Variants in SCAF11 observed in about 807,000 individuals in gnomAD.
SCAF11 encodes SR-related CTD associated factor 11.
Under a neutral mutation model 140.5 loss-of-function variants are expected in SCAF11, and 47 were observed. That is an observed-to-expected ratio of 0.33 (90% confidence interval 0.26 to 0.43). SCAF11 has a LOEUF of 0.43. Among genes scored for constraint, SCAF11 ranks in the 20% least tolerant of loss-of-function variants. The pLI, the probability that SCAF11 is intolerant of heterozygous loss-of-function variation, is 1.00. For missense variants in SCAF11, 1,645 were observed against 1,705.1 expected (o/e 0.96, Z 0.62); for synonymous variants, 557 against 579.4 (o/e 0.96, Z 0.55).
intron 3 of SCAF11, among the ~76,000 whole-genome samples, chr12:45,952,303 T>C (rs74807919): frequency 6.6e-6 from 1 of 152,224 alleles, no homozygotes; most frequent in East Asian, 1.9e-4. Flanking sequence ...TGTATCTTTT[T>C]AATATATAAA....
chr12:45,933,476 T>C (rs1359911550), intron 8 of SCAF11, among the ~76,000 whole-genome samples: 3 of 152,136 alleles, frequency 2.0e-5, no homozygotes, highest in African/African-American at 7.2e-5. Flanking sequence ...TGAATTTCTA[T>C]CTTAAGTGAC....
intron 3 of SCAF11, among the ~76,000 whole-genome samples, chr12:45,953,584 G>C (rs1945603500): frequency 6.6e-6 from 1 of 151,964 alleles, no homozygotes; most frequent in South Asian, 2.1e-4. Context: ...AATATTTCTA[G>C]TGCTTCCTAT....
In SCAF11 at chr12:45,927,201, A is replaced by G. The variant is rs773292405; in HGVS notation, c.2500T>C (p.Ser834Pro). Residue 834 changes from serine to proline, a missense_variant, in exon 11 of 15, where the codon TCT becomes CCT. Physicochemically the swap from Ser to Pro is moderately conservative, Grantham distance 74 (BLOSUM62 -1). Transcript: ENST00000369367. ...GKESRKSQSP[S>P]PKNESARGRK... ...CCTCTGGCTGACTCATTCTTAGGAG[A>G]TGGTGATTGAGACTTCCTGCTTTCT... 8 of 1,613,764 alleles carry G rather than the reference A, an allele frequency of 5.0e-6. No homozygotes were observed. Among genetic ancestry groups the G allele is most frequent in the African/African-American group, 1.3e-5 (1 of 74,818 alleles).
At chr12:45,983,742 AACAC>A (rs55655357) in intron 1 of SCAF11, among the ~76,000 whole-genome samples, 1,424 of 133,978 alleles carry the variant, frequency 0.011, 14 homozygotes, top group African/African-American at 0.033. Flanking sequence ...CTAAACCTAA[AACAC>A]ACACACACAC....
intron 10 of SCAF11, 139 bp from the exon 11 acceptor site, chr12:45,928,998 T>C (rs1944973624): frequency 4.4e-6 from 2 of 459,420 alleles, no homozygotes; most frequent in Non-Finnish European, 3.7e-6. Flanking sequence ...AATAAATGCA[T>C]AGCTACTAAC....
At chr12:45,953,790 AGTAACCTTATTTGT>A in intron 3 of SCAF11, 1 of 533,822 alleles carries the variant, frequency 1.9e-6, no homozygotes, top group African/African-American at 2.0e-5. Context: ...TCTGTGCCTC[AGTAACCTTATTTGT>A]GAAAATGAGA....
rs1034534117 is a variant in SCAF11 at position 45,921,985 on chromosome 12, T to C, written c.*63A>G. 1.3e-6 allele frequency: 2 copies of C among 1,521,514 alleles called. No individual in the cohort carries two copies. Among genetic ancestry groups the C allele is most frequent in the Non-Finnish European group, 1.8e-6 (2 of 1,129,588 alleles). 94.3% of individuals were successfully genotyped at this position (1,521,514 alleles called of 1,614,324 possible). ...ACAGTTATGTATGATTTTCAGTTAA[T>C]GGTACATGTTGAAATTGCACTTTGC... On this transcript the variant is annotated 3_prime_UTR_variant, in exon 15 of 15. Transcript: ENST00000369367.
chr12:45,972,939 GAT>G lies in SCAF11; in HGVS notation c.-21-8753_-21-8752del, dbSNP rs1170160802. On this transcript the variant is annotated intron_variant, in intron 1 of 14. Coordinates refer to ENST00000369367, the MANE Select transcript of SCAF11 (RefSeq NM_004719.3). ...ATATATAGATATATAGATATATATA[GAT>G]ATATATATAGATATATAGATATATA... is the stretch of plus-strand genomic sequence containing the variant. Among the ~76,000 whole-genome samples the G allele has an allele frequency of 3.1e-3, 28 of 9,054 alleles. 3 individuals are homozygous for G. Among genetic ancestry groups the G allele is most frequent in the South Asian group, 0.016 (5 of 318 alleles). The allele number at this position is 9,054 out of a possible 152,430, so 5.9% of individuals were successfully genotyped here.
chr12:45,922,417 G>A (rs1944737312), intron 14 of SCAF11, 46 bp downstream of exon 14: 5 of 1,577,576 alleles, frequency 3.2e-6, no homozygotes, highest in African/African-American at 1.4e-5. Context: ...TAAAACAGAG[G>A]TGGTTCAAAA....
chr12:45,933,281 CA>C (rs1191907950), intron 8 of SCAF11, 49 bp from the exon 9 acceptor site: 9 of 1,318,958 alleles, frequency 6.8e-6, no homozygotes, highest in South Asian at 3.8e-5. Context: ...ATTTTAGGTT[CA>C]AAAAAACAAT....
chr12:45,991,675 GTTTTACCTCGGAGGTATTTTGACT>G (rs1238489924), upstream of SCAF11, among the ~76,000 whole-genome samples: 2 of 152,176 alleles, frequency 1.3e-5, no homozygotes, highest in South Asian at 2.1e-4. Context: ...TAAATGTTTT[GTTTTACCTCGGAGGTATTTTGACT>G]TTTTCAAAGT....
Position 45,933,190 on chromosome 12 carries a change from C to T in SCAF11, c.675G>A (p.Arg225=), listed in dbSNP as rs1161884466. The T allele has an allele frequency of 4.3e-6, 7 of 1,611,710 alleles. No homozygotes were observed. The highest frequency in any genetic ancestry group is 5.9e-6 in the Non-Finnish European group (7 of 1,178,976). Residue 225 remains arginine, a synonymous_variant, in exon 9 of 15, where the codon AGG becomes AGA. Transcript: ENST00000369367. ...ACAATTCCAGTTCATGTCTCTTCTG[C>T]CTAATCAATGCACTGATTTCACTGG... ...IEASEISALI[R]QKRHELELSW...
chr12:45,946,880 G>C (rs113999748), intron 5 of SCAF11, among the ~76,000 whole-genome samples: 2 of 152,022 alleles, frequency 1.3e-5, no homozygotes, highest in Non-Finnish European at 2.9e-5. Context: ...TCTTGGAGGG[G>C]GTATTCCATG....
At chr12:45,982,400 T>C (rs1946367837) in intron 1 of SCAF11, among the ~76,000 whole-genome samples, 1 of 152,140 alleles carries the variant, frequency 6.6e-6, no homozygotes, top group African/African-American at 2.4e-5. Context: ...TATACGTATA[T>C]TTACATTAAA....
In SCAF11 at chr12:45,945,294, C is replaced by G; in HGVS notation, c.418G>C (p.Glu140Gln). 6.3e-7 allele frequency: 1 copy of G among 1,576,128 alleles called. No individual in the cohort carries two copies. The highest frequency in any genetic ancestry group is 1.2e-5 in the South Asian group (1 of 85,956). The change falls in exon 6 of 15, where the codon GAA becomes CAA. Residue 140 changes from glutamate to glutamine, a missense_variant. Transcript: ENST00000369367. ...SCIRRKAIVR[E>Q]DLLSAKVCDL... ...CAAACTTTTGCACTTAATAGATCTT[C>G]TCTTACGATGGCTTTTCTTCTGTAA...
chr12:45,973,041 T>C (rs947482268), intron 1 of SCAF11, among the ~76,000 whole-genome samples: 3 of 147,294 alleles, frequency 2.0e-5, no homozygotes, highest in Non-Finnish European at 3.0e-5. Flanking sequence ...TATAGATATA[T>C]AGATATATCC....
At chr12:45,945,091 C>A in intron 6 of SCAF11, 158 bp downstream of exon 6, 2 of 595,898 alleles carry the variant, frequency 3.4e-6, no homozygotes, top group East Asian at 3.1e-5. Flanking sequence ...GTATAAATTG[C>A]TCCATGAAAA....
In SCAF11 at chr12:45,927,152, G is replaced by A; in HGVS notation, c.2549C>T (p.Ser850Phe). The part of the protein sequence containing the change: ...ARGRKKSRSQ[S>F]PKKDIARERR... ...TTCTCTTGCAATATCCTTTTTTGGG[G>A]ACTGAGAACGGGATTTTTTCCGGCC... is the stretch of plus-strand genomic sequence containing the variant. Residue 850 changes from serine (S) to phenylalanine (F), a missense_variant, in exon 11 of 15, where the codon TCC becomes TTC. This residue lies in a region of SCAF11 where 1,582 missense variants were observed against 1,609.2 expected (regional missense o/e 0.98). Coordinates refer to ENST00000369367, the MANE Select transcript of SCAF11 (RefSeq NM_004719.3). 1 of 1,614,054 alleles carries A rather than the reference G, an allele frequency of 6.2e-7. No homozygotes were observed. Among genetic ancestry groups the A allele is most frequent in the Non-Finnish European group, 8.5e-7 (1 of 1,179,988 alleles).
Position 45,925,087 on chromosome 12 carries a change from A to G in SCAF11, c.3560-13T>C, listed in dbSNP as rs564997490. 1 of 1,578,694 alleles carries G rather than the reference A, an allele frequency of 6.3e-7. No homozygotes were observed. Among genetic ancestry groups the G allele is most frequent in the East Asian group, 2.3e-5 (1 of 44,432 alleles). On this transcript the variant is annotated splice_polypyrimidine_tract_variant and intron_variant, in intron 11 of 14. Transcript: ENST00000369367. ...TTTAGGCTAGAATCTATCAAAAGAA[A>G]AAAAGCTTGTGAAAAAAATCATGTT... is the stretch of plus-strand genomic sequence containing the variant.
Sources: allele counts gnomAD v4.1 joint callset (sites outside exome capture counted in the v4.1 genomes callset), GRCh38; gene constraint gnomAD v4.1.1; regional missense constraint gnomAD v4.1.1; transcripts MANE v1.5; gene names NCBI Gene and HGNC (gene_info 2026-07-23, HGNC 2026-07-21).